ABL2: variants seen among roughly 807,000 people sequenced by gnomAD.
ABL2 encodes tyrosine-protein kinase ABL2.
In ABL2, 49 loss-of-function variants were observed where a neutral mutation model predicts 107.7. The ratio of observed to expected loss-of-function variants is 0.45; its 90% confidence interval spans 0.36 to 0.58. The LOEUF (loss-of-function observed/expected upper bound fraction) is 0.58. Ranked by LOEUF, ABL2 falls within the 20% of genes least tolerant of loss-of-function variation. The pLI is 0.00. For missense variants in ABL2, 1,245 were observed against 1,457.0 expected (o/e 0.85, Z 2.37); for synonymous variants, 549 against 548.6 (o/e 1.00, Z -0.01).
chr1:179,165,268 T>A (rs576526149), intron 1 of ABL2, among the ~76,000 whole-genome samples: 1 of 152,274 alleles, frequency 6.6e-6, no homozygotes, highest in Admixed American at 6.5e-5. Context: ...ACCAATAAAC[T>A]GGAAGGATGA....
chr1:179,149,025 G>A (rs774838156), intron 1 of ABL2, among the ~76,000 whole-genome samples: 6 of 152,120 alleles, frequency 3.9e-5, no homozygotes, highest in Non-Finnish European at 5.9e-5. Flanking sequence ...TAAGTTCAGT[G>A]GGCAAGAATG....
chr1:179,134,049 A>G (rs1656605439), intron 1 of ABL2, among the ~76,000 whole-genome samples: 2 of 152,176 alleles, frequency 1.3e-5, no homozygotes, highest in South Asian at 4.1e-4. Context: ...CTTTATCTCT[A>G]TATTAATAAT....
Position 179,125,248 on chromosome 1 carries a change from C to T in ABL2, c.687+1129G>A, listed in dbSNP as rs142769392. Among the ~76,000 whole-genome samples, 1,365 of 152,300 alleles carry T rather than the reference C, an allele frequency of 9.0e-3. 13 individuals carry two copies. Among genetic ancestry groups the T allele is most frequent in the Admixed American group, 0.018 (271 of 15,290 alleles). ...AATATTATTTACAAAAAAAAGCAGA[C>T]GGCTGGAGGGCCATAGTTTTACCTG... On this transcript the variant is annotated intron_variant, in intron 4 of 11. Coordinates refer to ENST00000502732, the MANE Select transcript of ABL2 (RefSeq NM_007314.4).
At chr1:179,144,446 C>T (rs1248972408) in intron 1 of ABL2, among the ~76,000 whole-genome samples, 1 of 151,924 alleles carries the variant, frequency 6.6e-6, no homozygotes, top group Non-Finnish European at 1.5e-5. Context: ...GGCGACAGAG[C>T]GAGACTCCAT....
chr1:179,145,143 G>A (rs1657897786), intron 1 of ABL2, among the ~76,000 whole-genome samples: 2 of 152,214 alleles, frequency 1.3e-5, no homozygotes, highest in South Asian at 4.2e-4. Flanking sequence ...AGTGAAATAA[G>A]CCAGACACAT....
intron 8 of ABL2, chr1:179,117,079 C>G: frequency 6.4e-6 from 3 of 468,712 alleles, no homozygotes; most frequent in Non-Finnish European, 1.2e-5. Flanking sequence ...CTCAAGTGAT[C>G]CACCCATCTC....
rs1349682372 is a variant in ABL2 at position 179,121,609 on chromosome 1, C to T, written c.946G>A (p.Val316Met). 6.2e-7 allele frequency: 1 copy of T among 1,612,846 alleles called. No homozygotes were observed. The highest frequency in any genetic ancestry group is 1.1e-5 in the South Asian group (1 of 90,994). The stretch of plus-strand genomic sequence containing the variant: ...CAGCAACCCACCTTCAATGTTTTCA[C>T]AGCAACTGTAAGGCTGTATTTCTTC... ...VWKKYSLTVA[V>M]KTLKEDTMEV... Residue 316 changes from valine (V) to methionine (M), a missense_variant, in exon 5 of 12, where the codon GTG becomes ATG. Physicochemically the swap from Val to Met is conservative, Grantham distance 21. Coordinates refer to ENST00000502732, the MANE Select transcript of ABL2 (RefSeq NM_007314.4).
At chr1:179,114,847 C>T (rs1654466886) in intron 9 of ABL2, 31 bp downstream of exon 9, 2 of 1,568,728 alleles carry the variant, frequency 1.3e-6, no homozygotes, top group African/African-American at 1.4e-5. Flanking sequence ...TAGCTTATGC[C>T]TTCAAAATTA....
chr1:179,110,391 T>C lies in ABL2; in HGVS notation c.1716A>G (p.Leu572=). 1 of 1,614,166 alleles carries C rather than the reference T, an allele frequency of 6.2e-7. No homozygotes were observed. The highest frequency in any genetic ancestry group is 8.5e-7 in the Non-Finnish European group (1 of 1,180,046). Residue 572 remains leucine, a synonymous_variant, in exon 11 of 12, where the codon CTA becomes CTG. Coordinates refer to ENST00000502732, the MANE Select transcript of ABL2 (RefSeq NM_007314.4). The part of the protein sequence containing the change: ...SSSVVPYLPR[L]PILPSKTRTL... Reference sequence around the variant, plus strand: ...TCCGAGTCTTGGAAGGAAGTATAGGTAGCCGGGGCAGGTATGGAACAACAG... The same window carrying C: ...TCCGAGTCTTGGAAGGAAGTATAGGCAGCCGGGGCAGGTATGGAACAACAG...
At chr1:179,175,402 T>C (rs539106695) in intron 1 of ABL2, among the ~76,000 whole-genome samples, 16 of 152,288 alleles carry the variant, frequency 1.1e-4, no homozygotes, top group Non-Finnish European at 2.1e-4. Flanking sequence ...GGGTCCTCTG[T>C]TCCCTGCCCT....
intron 1 of ABL2, among the ~76,000 whole-genome samples, chr1:179,204,053 C>G (rs1661820422): frequency 6.6e-6 from 1 of 152,004 alleles, no homozygotes; most frequent in Non-Finnish European, 1.5e-5. Context: ...GAGATGGAGT[C>G]TCTCGCTCTG....
intron 3 of ABL2, among the ~76,000 whole-genome samples, chr1:179,130,561 T>C (rs1656192611): frequency 6.6e-6 from 1 of 152,184 alleles, no homozygotes. Context: ...AACATAAATG[T>C]CTATTGTTTG....
At chr1:179,127,333 T>G (rs1339962535) in intron 3 of ABL2, among the ~76,000 whole-genome samples, 2 of 152,188 alleles carry the variant, frequency 1.3e-5, no homozygotes, top group Non-Finnish European at 2.9e-5. Context: ...TAGCTATAGC[T>G]TTCTTATTTC....
chr1:179,135,501 C>A (rs1287213440), intron 1 of ABL2, among the ~76,000 whole-genome samples: 1 of 151,010 alleles, frequency 6.6e-6, no homozygotes, highest in African/African-American at 2.4e-5. Context: ...CCGGCAGCCG[C>A]CCCGTCTGAG....
intron 1 of ABL2, among the ~76,000 whole-genome samples, chr1:179,173,112 G>A (rs907322770): frequency 7.9e-5 from 12 of 151,456 alleles, no homozygotes; most frequent in Non-Finnish European, 1.5e-4. Context: ...ATCGCTGGAA[G>A]CCGGGAGGTG....
At position 179,103,950 on chromosome 1, in the gene ABL2, C is replaced by T. The variant is rs923191838; in HGVS notation, c.*3768G>A. ...AGTTTTCAGATAGCACTGGGTGTTTCAAACACCTGGCGAGATTACTGGAGA... is the reference window on the plus strand; with the variant it reads ...AGTTTTCAGATAGCACTGGGTGTTTTAAACACCTGGCGAGATTACTGGAGA... On this transcript the variant is annotated 3_prime_UTR_variant, in exon 12 of 12. Coordinates refer to ENST00000502732, the MANE Select transcript of ABL2 (RefSeq NM_007314.4). The T allele has an allele frequency of 4.3e-5, 10 of 233,264 alleles. No homozygotes were observed. Among genetic ancestry groups the T allele is most frequent in the African/African-American group, 2.2e-4 (10 of 45,328 alleles). 14.4% of individuals were successfully genotyped at this position (233,264 alleles called of 1,614,324 possible). A position where few individuals can be genotyped will look rare whatever the true frequency, so the allele number is the denominator to read the frequency against.
At chr1:179,176,107 G>A (rs577591604) in intron 1 of ABL2, among the ~76,000 whole-genome samples, 2 of 151,910 alleles carry the variant, frequency 1.3e-5, no homozygotes, top group South Asian at 2.1e-4. Flanking sequence ...CGCCTGCCTC[G>A]GCCTCCCAAA....
At chr1:179,150,833 C>G (rs1658315095) in intron 1 of ABL2, among the ~76,000 whole-genome samples, 1 of 151,948 alleles carries the variant, frequency 6.6e-6, no homozygotes, top group Non-Finnish European at 1.5e-5. Context: ...TCATTGTTGT[C>G]TTATTTTAAG....
At chr1:179,159,819 T>C (rs1658953362) in intron 1 of ABL2, among the ~76,000 whole-genome samples, 1 of 152,172 alleles carries the variant, frequency 6.6e-6, no homozygotes, top group Non-Finnish European at 1.5e-5. Flanking sequence ...ATATAACCTA[T>C]ATAAAACATA....
Sources: gnomAD v4.1 joint callset for allele counts (sites outside exome capture counted in the v4.1 genomes callset) on GRCh38, gnomAD v4.1.1 for gene constraint, MANE v1.5 for transcripts, NCBI Gene and HGNC (gene_info 2026-07-23, HGNC 2026-07-21) for gene names.